The following GALNT3 variants were observed in gnomAD, a reference collection of about 807,000 sequenced individuals.
GALNT3 encodes GalNAc transferase 3.
In GALNT3, 51 loss-of-function variants were observed where a neutral mutation model predicts 69.8. That is an observed-to-expected ratio of 0.73 (90% CI 0.58 to 0.92). GALNT3 has a LOEUF of 0.92. GALNT3 is among the 40% of genes least tolerant of loss of function. GALNT3 has a pLI of 0.00. For missense variants in GALNT3, 711 were observed against 760.0 expected (o/e 0.94, Z 0.76); for synonymous variants, 265 against 248.5 (o/e 1.07, Z -0.63).
At chr2:165,783,853 AT>A (rs961159638) in intron 1 of GALNT3, among the ~76,000 whole-genome samples, 4 of 152,054 alleles carry the variant, frequency 2.6e-5, no homozygotes, top group Non-Finnish European at 5.9e-5. Flanking sequence ...ATAAAACAGA[AT>A]TTTTTTCAAG....
chr2:165,782,944 G>A (rs1259248261), intron 1 of GALNT3, among the ~76,000 whole-genome samples: 6 of 152,118 alleles, frequency 3.9e-5, no homozygotes, highest in South Asian at 2.1e-4. Flanking sequence ...TACTGCTTAC[G>A]TATTTCATTC....
At chr2:165,792,767 T>G (rs1227393848) in intron 1 of GALNT3, among the ~76,000 whole-genome samples, 1 of 152,092 alleles carries the variant, frequency 6.6e-6, no homozygotes, top group African/African-American at 2.4e-5. Flanking sequence ...GCACTAGATT[T>G]CAGATATTAA....
At chr2:165,761,234 C>T (rs181399669) in intron 4 of GALNT3, among the ~76,000 whole-genome samples, 92 of 152,072 alleles carry the variant, frequency 6.0e-4, no homozygotes, top group Non-Finnish European at 8.8e-4. Context: ...CATTTTGAAA[C>T]GGAGTGTCAC....
intron 7 of GALNT3, among the ~76,000 whole-genome samples, chr2:165,756,190 C>T (rs1450232228): frequency 6.6e-6 from 1 of 152,082 alleles, no homozygotes; most frequent in African/African-American, 2.4e-5. Context: ...TATTGATACC[C>T]TTGACTCCCA....
rs116996604 is a variant in GALNT3, at chr2:165,776,948, A to G, written c.-108-6140T>C. ...ATTGAGAAGGGAAAATATCAAGGTAAGATCCATCATGATTGTCCCTCTAGG... is the reference window on the plus strand; with the variant it reads ...ATTGAGAAGGGAAAATATCAAGGTAGGATCCATCATGATTGTCCCTCTAGG... On this transcript the variant is annotated intron_variant, in intron 1 of 10. Transcript: ENST00000392701. 3.3e-4 allele frequency among the ~76,000 whole-genome samples: 51 copies of G among 152,352 alleles called. No individual in the cohort carries two copies. The East Asian group carries it at 9.8e-3, about 29-fold the overall frequency.
At chr2:165,760,700 C>T (rs757652900) in intron 4 of GALNT3, among the ~76,000 whole-genome samples, 1 of 152,124 alleles carries the variant, frequency 6.6e-6, no homozygotes, top group South Asian at 2.1e-4. Flanking sequence ...CAAGCACATC[C>T]AAAAGCCCTT....
chr2:165,793,157 A>G (rs912154533), intron 1 of GALNT3, among the ~76,000 whole-genome samples: 2 of 152,132 alleles, frequency 1.3e-5, no homozygotes, highest in East Asian at 3.9e-4. Flanking sequence ...TAGGCAGGGA[A>G]AGGAATCTGG....
chr2:165,785,765 G>C (rs796313233), intron 1 of GALNT3, among the ~76,000 whole-genome samples: 3 of 152,082 alleles, frequency 2.0e-5, no homozygotes, highest in African/African-American at 7.2e-5. Flanking sequence ...AACCACCACG[G>C]AACAGGCCTA....
rs367589956 is a variant in GALNT3, at chr2:165,770,432, A to G, written c.269T>C (p.Ile90Thr). 3.1e-6 allele frequency: 5 copies of G among 1,614,072 alleles called. No homozygotes were observed. Among genetic ancestry groups the G allele is most frequent in the African/African-American group, 2.7e-5 (2 of 74,930 alleles). The change falls in exon 2 of 11, where the codon ATT becomes ACT. Residue 90 changes from isoleucine (I) to threonine (T), a missense_variant. By Grantham distance (89) the Ile-to-Thr change is moderately conservative. Coordinates refer to ENST00000392701, the MANE Select transcript of GALNT3 (RefSeq NM_004482.4). Reference sequence around the variant, plus strand: ...CAAACAAGGTCTCTCACCAGCATCAATGTTTTGCCTGACAGGTGCTCCTAT... The same window carrying G: ...CAAACAAGGTCTCTCACCAGCATCAGTGTTTTGCCTGACAGGTGCTCCTAT... ...MQIGAPVRQN[I>T]DAGERPCLQG... is the part of the protein sequence containing the mutation.
chr2:165,750,499 A>G (rs1001416183), intron 9 of GALNT3, among the ~76,000 whole-genome samples: 1 of 152,124 alleles, frequency 6.6e-6, no homozygotes, highest in Non-Finnish European at 1.5e-5. Flanking sequence ...TAGCTGCACT[A>G]TTCCTCTCAG....
chr2:165,776,492 TCA>T (rs1682950086), intron 1 of GALNT3, among the ~76,000 whole-genome samples: 1 of 150,920 alleles, frequency 6.6e-6, no homozygotes, highest in Non-Finnish European at 1.5e-5. Flanking sequence ...AAGATCAGAT[TCA>T]CAGAGGAAGA....
chr2:165,790,065 A>G (rs932690138), intron 1 of GALNT3, among the ~76,000 whole-genome samples: 3 of 152,216 alleles, frequency 2.0e-5, no homozygotes, highest in Non-Finnish European at 4.4e-5. Flanking sequence ...TGATGAGATG[A>G]AGGTTCTGGT....
intron 4 of GALNT3, among the ~76,000 whole-genome samples, chr2:165,760,269 CA>C (rs1688521638): frequency 6.6e-6 from 1 of 152,104 alleles, no homozygotes. Context: ...AATAAGGAGT[CA>C]GTATAAATTC....
Position 165,751,849 on chromosome 2 carries a change from T to C in GALNT3, c.1627-1955A>G, listed in dbSNP as rs539356866. Among the ~76,000 whole-genome samples, 3 of 152,298 alleles carry C rather than the reference T, an allele frequency of 2.0e-5. No homozygotes were observed. The South Asian group carries it at 6.2e-4, about 32-fold the overall frequency. ...AAAAATGATCAAGTTATATAATATCTAAAAATTTTAGCACTCAGGGAACTA... is the reference window on the plus strand; with the variant it reads ...AAAAATGATCAAGTTATATAATATCCAAAAATTTTAGCACTCAGGGAACTA... On this transcript the variant is annotated intron_variant, in intron 9 of 10. Transcript: ENST00000392701.
intron 4 of GALNT3, 32 bp downstream of exon 4, chr2:165,761,873 T>A: frequency 6.2e-7 from 1 of 1,610,846 alleles, no homozygotes; most frequent in South Asian, 1.1e-5. Context: ...GGAGGGAAAA[T>A]GTTACAACCA....
intron 1 of GALNT3, among the ~76,000 whole-genome samples, chr2:165,784,096 G>T (rs1683171195): frequency 6.6e-6 from 1 of 152,136 alleles, no homozygotes; most frequent in South Asian, 2.1e-4. Flanking sequence ...TCTATCAACA[G>T]CTGGCCTCAA....
intron 3 of GALNT3, 55 bp from the exon 4 acceptor site, chr2:165,762,109 C>T (rs1160443598): frequency 3.3e-6 from 4 of 1,227,114 alleles, no homozygotes; most frequent in Non-Finnish European, 4.8e-6. Context: ...TCATATATAG[C>T]TTATGAAAGC....
chr2:165,765,497 A>AT lies in GALNT3; in HGVS notation c.516-442dup, dbSNP rs5836051. ...CTTTAAAAATTGTACCACTTTATTA[A>AT]TTTTTTTTTTTTTATGGAGTCTCTC... On this transcript the variant is annotated intron_variant, in intron 2 of 10. Transcript: ENST00000392701. 3.9e-3 allele frequency among the ~76,000 whole-genome samples: 577 copies of AT among 148,070 alleles called. 2 individuals are homozygous for AT. Among genetic ancestry groups the AT allele is most frequent in the Middle Eastern group, 6.9e-3 (2 of 288 alleles).
intron 1 of GALNT3, among the ~76,000 whole-genome samples, chr2:165,772,843 A>C (rs1385909038): frequency 6.6e-6 from 1 of 152,206 alleles, no homozygotes; most frequent in Non-Finnish European, 1.5e-5. Flanking sequence ...AGGTCAGTTA[A>C]AGATCAGTTC....
Sources: allele counts gnomAD v4.1 joint callset (sites outside exome capture counted in the v4.1 genomes callset), GRCh38; gene constraint gnomAD v4.1.1; transcripts MANE v1.5; gene names NCBI Gene and HGNC (gene_info 2026-07-23, HGNC 2026-07-21).